The following IL7 variants were observed in gnomAD, a reference collection of about 807,000 sequenced individuals.
The protein encoded by IL7 is interleukin 7.
A neutral mutation model predicts 21.6 loss-of-function variants in IL7; 3 were observed. That is an observed-to-expected ratio of 0.14 (90% CI 0.06 to 0.36). IL7 has a LOEUF of 0.36. Ranked by LOEUF, IL7 falls within the 10% of genes least tolerant of loss-of-function variation. The pLI is 1.00. For synonymous variants in IL7, 62 were observed against 68.1 expected (o/e 0.91, Z 0.44); for missense variants, 175 against 200.2 (o/e 0.87, Z 0.76).
At chr8:78,731,803 CTGTT>C (rs945799722), downstream of IL7, among the ~76,000 whole-genome samples, 17 of 152,002 alleles carry the variant, frequency 1.1e-4, no homozygotes, top group Admixed American at 9.9e-4. Flanking sequence ...GCTGAGTACA[CTGTT>C]TGAGTCCAAT....
At chr8:78,698,665 T>C (rs1203075424) in intron 3 of IL7, 3 of 471,244 alleles carry the variant, frequency 6.4e-6, no homozygotes, top group Non-Finnish European at 1.1e-5. Flanking sequence ...CTCACTGCTG[T>C]TGAGTATCTA....
At chr8:78,728,958 A>G (rs557688254), downstream of IL7, among the ~76,000 whole-genome samples, 1 of 152,164 alleles carries the variant, frequency 6.6e-6, no homozygotes, top group South Asian at 2.1e-4. Flanking sequence ...GCAATAGACT[A>G]TACTTCAAAG....
chr8:78,761,300 C>A, intron 2 of IL7: 2 of 1,611,386 alleles, frequency 1.2e-6, no homozygotes, highest in African/African-American at 2.7e-5. Flanking sequence ...AACAGATACT[C>A]CCATAACAGG....
At chr8:78,687,807 T>C (rs1181961736) in intron 3 of IL7, among the ~76,000 whole-genome samples, 11 of 136,432 alleles carry the variant, frequency 8.1e-5, no homozygotes, top group African/African-American at 2.7e-4. Flanking sequence ...TATATATTCA[T>C]GTAATAAATA....
At chr8:78,717,650 G>T, downstream of IL7, 2 of 735,246 alleles carry the variant, frequency 2.7e-6, no homozygotes, top group Non-Finnish European at 2.1e-6. Context: ...TATAATGTGT[G>T]TATGTTTATA....
chr8:78,751,982 A>G (rs566644351), intron 2 of IL7, among the ~76,000 whole-genome samples: 122 of 152,174 alleles, frequency 8.0e-4, no homozygotes, highest in Non-Finnish European at 1.2e-3. Flanking sequence ...CATGAACTCA[A>G]TTATGTTTTA....
At chr8:78,703,395 T>C (rs1381978509) in intron 3 of IL7, among the ~76,000 whole-genome samples, 7 of 152,338 alleles carry the variant, frequency 4.6e-5, no homozygotes, top group Non-Finnish European at 1.0e-4. Flanking sequence ...CCCACTATTA[T>C]CGTGTGAGAG....
downstream of IL7, among the ~76,000 whole-genome samples, chr8:78,728,735 G>A (rs531904422): frequency 1.3e-5 from 2 of 152,002 alleles, no homozygotes; most frequent in African/African-American, 2.4e-5. Flanking sequence ...TCAGTACTTG[G>A]GGGGAGGAGA....
At chr8:78,786,293 C>G (rs1018672036) in intron 2 of IL7, among the ~76,000 whole-genome samples, 3 of 152,088 alleles carry the variant, frequency 2.0e-5, no homozygotes, top group African/African-American at 7.2e-5. Context: ...ATAATAATAA[C>G]ACAATGGTAA....
chr8:78,746,504 C>T (rs137950613), intron 2 of IL7, among the ~76,000 whole-genome samples: 1 of 152,352 alleles, frequency 6.6e-6, no homozygotes, highest in African/African-American at 2.4e-5. Flanking sequence ...TCTTTTATTA[C>T]ATGGAAGTCA....
chr8:78,697,460 A>G (rs910678174), intron 3 of IL7: 1 of 1,610,778 alleles, frequency 6.2e-7, no homozygotes, highest in East Asian at 2.2e-5. Context: ...CATCATCAGG[A>G]TCTTCACGAT....
chr8:78,783,751 T>G (rs114844596), intron 2 of IL7, among the ~76,000 whole-genome samples: 1 of 152,206 alleles, frequency 6.6e-6, no homozygotes, highest in Non-Finnish European at 1.5e-5. Context: ...ATTTGAGAGA[T>G]GAAGTATGAG....
chr8:78,681,901 C>CTTTTTTTTTTTTTTTTTTTTTTTT (rs56181953), intron 4 of IL7, among the ~76,000 whole-genome samples: 3 of 126,470 alleles, frequency 2.4e-5, no homozygotes, highest in South Asian at 2.4e-4. Flanking sequence ...CTTTTTCTTT[C>CTTTTTTTTTTTTTTTTTTTTTTTT]TTTTTTTTTT....
At chr8:78,678,440 A>G (rs939121031) in intron 4 of IL7, 3 of 691,128 alleles carry the variant, frequency 4.3e-6, no homozygotes, top group South Asian at 4.3e-5. Context: ...TTTATTTATT[A>G]TTTTGTATTC....
At chr8:78,802,755 A>G (rs1364921087) in intron 1 of IL7, among the ~76,000 whole-genome samples, 1 of 152,152 alleles carries the variant, frequency 6.6e-6, no homozygotes, top group Non-Finnish European at 1.5e-5. Flanking sequence ...TACATAATAT[A>G]GATATGGAAT....
intron 4 of IL7, among the ~76,000 whole-genome samples, chr8:78,680,548 G>C (rs1034214708): frequency 3.3e-5 from 5 of 152,154 alleles, no homozygotes; most frequent in African/African-American, 1.2e-4. Context: ...TGTAAGTGTA[G>C]TTCTTAATAT....
At chr8:78,727,003 G>C (rs954358279) in intron 3 of IL7, among the ~76,000 whole-genome samples, 16 of 152,070 alleles carry the variant, frequency 1.1e-4, no homozygotes, top group African/African-American at 3.9e-4. Flanking sequence ...AAAAGGGTTT[G>C]ACAGAAGGTG....
downstream of IL7, among the ~76,000 whole-genome samples, chr8:78,675,160 G>A (rs954224686): frequency 1.3e-5 from 2 of 151,216 alleles, no homozygotes; most frequent in African/African-American, 2.4e-5. Context: ...AGTGAAAGTT[G>A]TAGCTACCTC....
chr8:78,790,126 A>G (rs1248439090), intron 2 of IL7, among the ~76,000 whole-genome samples: 1 of 152,152 alleles, frequency 6.6e-6, no homozygotes, highest in Non-Finnish European at 1.5e-5. Context: ...ATTATAACCG[A>G]TTAGTCATTA....
Sources: allele counts gnomAD v4.1 joint callset (sites outside exome capture counted in the v4.1 genomes callset), GRCh38; gene constraint gnomAD v4.1.1; transcripts MANE v1.5; gene names NCBI Gene and HGNC (gene_info 2026-07-23, HGNC 2026-07-21).